GUCY1A1: variants seen among roughly 807,000 people sequenced by gnomAD.
GUCY1A1 encodes guanylate cyclase 1 soluble subunit alpha 1, also known as guanylate cyclase soluble subunit alpha-1.
Under a neutral mutation model 64.5 loss-of-function variants are expected in GUCY1A1, and 48 were observed. That is an observed-to-expected ratio of 0.74 (90% CI 0.59 to 0.95). GUCY1A1 has a LOEUF of 0.95. Among genes scored for constraint, GUCY1A1 ranks in the 40% least tolerant of loss-of-function variants. The probability of loss-of-function intolerance (pLI) is 0.00; values close to 1 mark genes in which losing one functional copy is unlikely to be tolerated. For missense variants in GUCY1A1, 804 were observed against 825.3 expected (o/e 0.97, Z 0.32); for synonymous variants, 308 against 303.4 (o/e 1.02, Z -0.16).
At chr4:155,696,217 T>C (rs1013133971) in intron 2 of GUCY1A1, among the ~76,000 whole-genome samples, 1 of 152,060 alleles carries the variant, frequency 6.6e-6, no homozygotes, top group African/African-American at 2.4e-5. Flanking sequence ...TTCATTGAAC[T>C]TTTTTTCATT....
intron 8 of GUCY1A1, 56 bp downstream of exon 8, chr4:155,717,358 G>C (rs1733391659): frequency 1.5e-6 from 2 of 1,316,016 alleles, no homozygotes. Flanking sequence ...GCGTATAGTT[G>C]ATTACCAAAA....
chr4:155,708,913 A>G (rs532842961), intron 5 of GUCY1A1, among the ~76,000 whole-genome samples: 1 of 148,202 alleles, frequency 6.7e-6, no homozygotes, highest in South Asian at 2.2e-4. Flanking sequence ...CAGATAAGAA[A>G]AAATGTGGTA....
In GUCY1A1 at chr4:155,729,919, ACC is replaced by A. The variant is rs2110773872; in HGVS notation, c.1872-110_1872-109del. On this transcript the variant is annotated intron_variant, in intron 9 of 9. Transcript: ENST00000506455. ...TCGTTAGACTTTTTCTGTCACTCAC[ACC>A]TAAAATCACTGGTTTATAAATATTC... is the stretch of plus-strand genomic sequence containing the variant. The A allele has an allele frequency of 4.6e-6, 3 of 659,026 alleles. No individual in the cohort carries two copies. The South Asian group carries it at 6.2e-5, about 14-fold the overall frequency. The allele number at this position is 659,026 out of a possible 1,614,324, so 40.8% of individuals were successfully genotyped here. A position where few individuals can be genotyped will look rare whatever the true frequency, so the allele number is the denominator to read the frequency against.
intron 2 of GUCY1A1, among the ~76,000 whole-genome samples, chr4:155,691,035 A>T (rs1729671128): frequency 6.6e-6 from 1 of 152,224 alleles, no homozygotes; most frequent in Admixed American, 6.5e-5. Context: ...AGATGAATGG[A>T]GAATTTATGT....
chr4:155,687,162 T>C (rs1281546242), intron 2 of GUCY1A1, among the ~76,000 whole-genome samples: 2 of 152,220 alleles, frequency 1.3e-5, no homozygotes, highest in Non-Finnish European at 2.9e-5. Flanking sequence ...TAATAACTTA[T>C]GTCAGCACAA....
In GUCY1A1 at chr4:155,696,969, AG is replaced by A; in HGVS notation, c.104del (p.Gly35GlufsTer47). ...CTAACGAGTCTTCAGAGGAGGCAGCAGGAAGCTCAGAGAGCTGCAAAGCAAC... is the reference window on the plus strand; with the variant it reads ...CTAACGAGTCTTCAGAGGAGGCAGCAGAAGCTCAGAGAGCTGCAAAGCAAC... ...VPNESSEEAA[G>X]SSESCKATVP... On this transcript the variant is annotated frameshift_variant, in exon 3 of 10. Coordinates refer to ENST00000506455, the MANE Select transcript of GUCY1A1 (RefSeq NM_001130682.3). LOFTEE classifies it high-confidence loss of function. The A allele has an allele frequency of 6.2e-7, 1 of 1,613,256 alleles. No individual in the cohort carries two copies. The highest frequency in any genetic ancestry group is 8.5e-7 in the Non-Finnish European group (1 of 1,179,192).
chr4:155,713,340 G>T lies in GUCY1A1; in HGVS notation c.1329G>T (p.Leu443=). 2.5e-6 allele frequency: 4 copies of T among 1,614,160 alleles called. No individual in the cohort carries two copies. The highest frequency in any genetic ancestry group is 1.7e-6 in the Non-Finnish European group (2 of 1,180,010). Residue 443 remains leucine, a synonymous_variant, in exon 7 of 10, where the codon CTG becomes CTT. Coordinates refer to ENST00000506455, the MANE Select transcript of GUCY1A1 (RefSeq NM_001130682.3). ...KATLEQAHQA[L]EEEKKKTVDL... ...CCCTTGAGCAAGCCCACCAAGCCCTGGAGGAGGAGAAGAAAAAGACAGTAG... is the reference window on the plus strand; with the variant it reads ...CCCTTGAGCAAGCCCACCAAGCCCTTGAGGAGGAGAAGAAAAAGACAGTAG...
rs1735999532 is a variant in GUCY1A1 at position 155,735,799 on chromosome 4, TTA to T, written c.*5571_*5572del. 1 of 151,868 alleles carries T rather than the reference TTA, an allele frequency of 6.6e-6. No individual in the cohort carries two copies. Among genetic ancestry groups the T allele is most frequent in the African/African-American group, 2.4e-5 (1 of 41,376 alleles). The allele number at this position is 151,868 out of a possible 1,614,324, so 9.4% of individuals were successfully genotyped here. ...GTTGGACAGCCCAATGTGTTAAGTATTATACACCTGGAACAAGAGCAGCAAAA... is the reference window on the plus strand; with the variant it reads ...GTTGGACAGCCCAATGTGTTAAGTATTACACCTGGAACAAGAGCAGCAAAA... On this transcript the variant is annotated 3_prime_UTR_variant, in exon 10 of 10. Coordinates refer to ENST00000506455, the MANE Select transcript of GUCY1A1 (RefSeq NM_001130682.3).
At chr4:155,703,686 C>T (rs1731378959) in intron 3 of GUCY1A1, among the ~76,000 whole-genome samples, 1 of 152,170 alleles carries the variant, frequency 6.6e-6, no homozygotes, top group Non-Finnish European at 1.5e-5. Context: ...AAAGGCTAAA[C>T]CTGTGGGCCA....
intron 2 of GUCY1A1, among the ~76,000 whole-genome samples, chr4:155,679,297 T>A (rs1735383823): frequency 6.6e-6 from 1 of 152,196 alleles, no homozygotes; most frequent in African/African-American, 2.4e-5. Context: ...AGGTTTACGA[T>A]TTGTCGTAGT....
chr4:155,671,703 T>C (rs536522391), intron 2 of GUCY1A1, among the ~76,000 whole-genome samples: 82 of 152,156 alleles, frequency 5.4e-4, no homozygotes, highest in South Asian at 1.0e-3. Context: ...TTTTCTTATA[T>C]TCAGCTATCG....
chr4:155,719,241 T>C (rs901434772), intron 8 of GUCY1A1, among the ~76,000 whole-genome samples: 2 of 152,172 alleles, frequency 1.3e-5, no homozygotes, highest in African/African-American at 4.8e-5. Flanking sequence ...AGGGAATCAT[T>C]AATCATACCT....
rs1194520449 is a variant in GUCY1A1 at position 155,722,207 on chromosome 4, A to G, written c.1871+15A>G. ...ACAACTTACAGGTAGTAATTATGTT[A>G]AACACCTAAAATCTCTTGTTTTTAT... On this transcript the variant is annotated intron_variant, in intron 9 of 9. Transcript: ENST00000506455. 6.2e-7 allele frequency: 1 copy of G among 1,608,222 alleles called. No individual in the cohort carries two copies. Among genetic ancestry groups the G allele is most frequent in the African/African-American group, 1.3e-5 (1 of 74,660 alleles).
At chr4:155,692,762 C>T (rs1729916583) in intron 2 of GUCY1A1, among the ~76,000 whole-genome samples, 1 of 152,112 alleles carries the variant, frequency 6.6e-6, no homozygotes. Flanking sequence ...GATGTTCATG[C>T]CTAATTGAAT....
chr4:155,670,118 G>A (rs1451912030), intron 2 of GUCY1A1, among the ~76,000 whole-genome samples: 1 of 152,136 alleles, frequency 6.6e-6, no homozygotes, highest in Non-Finnish European at 1.5e-5. Flanking sequence ...GATTCACTAA[G>A]AAGTTGCTTG....
intron 2 of GUCY1A1, among the ~76,000 whole-genome samples, chr4:155,695,048 G>T (rs938398820): frequency 6.6e-6 from 1 of 152,124 alleles, no homozygotes; most frequent in African/African-American, 2.4e-5. Context: ...AAATGCATAG[G>T]ATTTTCTTTT....
At chr4:155,702,914 T>A (rs910674365) in intron 3 of GUCY1A1, among the ~76,000 whole-genome samples, 1 of 151,442 alleles carries the variant, frequency 6.6e-6, no homozygotes, top group African/African-American at 2.4e-5. Flanking sequence ...CAGCAAAAAA[T>A]TTTTCACTTT....
At chr4:155,678,135 C>A (rs933136106) in intron 2 of GUCY1A1, among the ~76,000 whole-genome samples, 2 of 152,060 alleles carry the variant, frequency 1.3e-5, no homozygotes, top group Admixed American at 6.6e-5. Flanking sequence ...ATACTTTAAA[C>A]CTACTAATTT....
chr4:155,729,252 A>G (rs1027257710), intron 9 of GUCY1A1, among the ~76,000 whole-genome samples: 1 of 151,860 alleles, frequency 6.6e-6, no homozygotes, highest in Non-Finnish European at 1.5e-5. Flanking sequence ...TATGGCCTGA[A>G]TATTAGGTTA....
Sources: allele counts gnomAD v4.1 joint callset (sites outside exome capture counted in the v4.1 genomes callset), GRCh38; gene constraint gnomAD v4.1.1; transcripts MANE v1.5; gene names NCBI Gene and HGNC (gene_info 2026-07-23, HGNC 2026-07-21).